PCED1B: variants seen among roughly 807,000 people sequenced by gnomAD.
PCED1B encodes PC-esterase domain-containing protein 1B.
For missense variants in PCED1B, 573 were observed against 573.9 expected, an observed-to-expected ratio of 1.00 and a Z score of 0.02; for synonymous variants, 251 against 246.1, an observed-to-expected ratio of 1.02 and a Z score of -0.19.
intron 1 of PCED1B, among the ~76,000 whole-genome samples, chr12:47,081,882 AT>A (rs943002010): frequency 6.6e-6 from 1 of 152,232 alleles, no homozygotes; most frequent in African/African-American, 2.4e-5. Flanking sequence ...GGAAGGTTAT[AT>A]TATTATAACT....
At chr12:47,127,915 A>G (rs1011118921) in intron 2 of PCED1B, among the ~76,000 whole-genome samples, 4 of 152,148 alleles carry the variant, frequency 2.6e-5, no homozygotes, top group African/African-American at 7.2e-5. Flanking sequence ...TCCTGTCTAT[A>G]TGTTTCAACT....
At chr12:47,228,834 C>G (rs929131556) in intron 3 of PCED1B, among the ~76,000 whole-genome samples, 33 of 151,130 alleles carry the variant, frequency 2.2e-4, no homozygotes, top group Non-Finnish European at 4.0e-4. Flanking sequence ...GATTGCACCA[C>G]TGCACTCCAG....
chr12:47,165,217 A>G (rs1941507039), intron 2 of PCED1B, among the ~76,000 whole-genome samples: 1 of 152,246 alleles, frequency 6.6e-6, no homozygotes, highest in Admixed American at 6.5e-5. Context: ...TTCAGCATGC[A>G]GTATAGAACA....
chr12:47,102,976 G>A (rs1215542793), intron 1 of PCED1B, among the ~76,000 whole-genome samples: 1 of 152,030 alleles, frequency 6.6e-6, no homozygotes, highest in African/African-American at 2.4e-5. Context: ...CCCCAATAAC[G>A]TTAAAGGCCT....
At chr12:47,135,839 C>T (rs1221068954) in intron 2 of PCED1B, 1 of 466,518 alleles carries the variant, frequency 2.1e-6, no homozygotes, top group East Asian at 6.0e-5. Flanking sequence ...CCTTGAGCAT[C>T]TCATGGTTGG....
In PCED1B at chr12:47,235,092, G is replaced by A. The variant is rs145480761; in HGVS notation, c.29G>A (p.Arg10Gln). The change falls in exon 4 of 4, where the codon CGG (arginine) becomes CAG (glutamine). Residue 10 changes from arginine (R) to glutamine (Q), a missense_variant. By Grantham distance (43) the Arg-to-Gln change is conservative. Transcript: ENST00000546455. ...ATCCTTCTGCGGGCCTCCGAAGTGC[G>A]GCAGCTGCTTCACAATAAGTTCGTG... is the stretch of plus-strand genomic sequence containing the variant. Reference protein sequence around the residue: MILLRASEVRQLLHNKFVVI... With the variant: MILLRASEVQQLLHNKFVVI... The A allele has an allele frequency of 8.9e-5, 136 of 1,529,026 alleles. No homozygotes were observed. The African/African-American group carries it at 1.7e-3, about 19-fold the overall frequency. The allele number at this position is 1,529,026 out of a possible 1,614,324, so 94.7% of individuals were successfully genotyped here.
At chr12:47,229,879 C>T (rs994612432) in intron 3 of PCED1B, among the ~76,000 whole-genome samples, 1 of 151,652 alleles carries the variant, frequency 6.6e-6, no homozygotes, top group African/African-American at 2.4e-5. Context: ...CTGCCATTCT[C>T]CTGCCTCAGC....
chr12:47,159,514 G>A (rs534108461), intron 2 of PCED1B, among the ~76,000 whole-genome samples: 1 of 151,854 alleles, frequency 6.6e-6, no homozygotes, highest in African/African-American at 2.4e-5. Flanking sequence ...AGAGCATTTT[G>A]TTGGCCATTT....
intron 3 of PCED1B, among the ~76,000 whole-genome samples, chr12:47,234,512 TG>T (rs1943910064): frequency 6.6e-6 from 1 of 152,236 alleles, no homozygotes; most frequent in Non-Finnish European, 1.5e-5. Context: ...GTTTAAGTGA[TG>T]GGGCATTCAG....
chr12:47,163,493 T>C (rs1222971499), intron 2 of PCED1B, among the ~76,000 whole-genome samples: 7 of 152,226 alleles, frequency 4.6e-5, no homozygotes, highest in Non-Finnish European at 8.8e-5. Flanking sequence ...TGTGCCTGAT[T>C]TTAGAGAAAA....
At chr12:47,223,825 G>A (rs950620205) in intron 3 of PCED1B, 1 of 152,212 alleles carries the variant, frequency 6.6e-6, no homozygotes, top group African/African-American at 2.4e-5. Flanking sequence ...GGGGCCTACT[G>A]TCTGGCAGGC....
intron 3 of PCED1B, among the ~76,000 whole-genome samples, chr12:47,218,669 C>CTTTTTTTTT (rs59140565): frequency 7.8e-6 from 1 of 128,402 alleles, no homozygotes; most frequent in Non-Finnish European, 1.6e-5. Context: ...AATTTTTTTT[C>CTTTTTTTTT]TTTTTTTTTT....
At chr12:47,231,102 C>T (rs374263268) in intron 3 of PCED1B, among the ~76,000 whole-genome samples, 3 of 152,206 alleles carry the variant, frequency 2.0e-5, no homozygotes, top group East Asian at 3.9e-4. Flanking sequence ...TGCTAATACT[C>T]TGTAGAGGGG....
At chr12:47,110,090 C>G (rs961969290) in intron 2 of PCED1B, among the ~76,000 whole-genome samples, 2 of 152,164 alleles carry the variant, frequency 1.3e-5, no homozygotes, top group Admixed American at 6.5e-5. Context: ...TTGTTAGTGG[C>G]CAGAATCATT....
intron 2 of PCED1B, among the ~76,000 whole-genome samples, chr12:47,164,380 A>G (rs944086072): frequency 5.3e-5 from 8 of 152,240 alleles, no homozygotes; most frequent in Non-Finnish European, 7.3e-5. Context: ...AGGGAAGAAC[A>G]GGCCCTATAC....
intron 2 of PCED1B, among the ~76,000 whole-genome samples, chr12:47,152,374 G>T (rs1000758209): frequency 2.6e-5 from 4 of 152,110 alleles, no homozygotes; most frequent in African/African-American, 9.7e-5. Context: ...ATTGCTTCTG[G>T]AGTCTTCTTG....
At chr12:47,154,798 TG>T (rs1941137463) in intron 2 of PCED1B, among the ~76,000 whole-genome samples, 1 of 151,644 alleles carries the variant, frequency 6.6e-6, no homozygotes, top group African/African-American at 2.4e-5. Flanking sequence ...TGTGTGTGTG[TG>T]TGTGTGTGTG....
intron 3 of PCED1B, among the ~76,000 whole-genome samples, chr12:47,226,436 G>C (rs558724888): frequency 8.2e-4 from 124 of 151,952 alleles, no homozygotes; most frequent in African/African-American, 2.2e-3. Context: ...TGCATTGGTG[G>C]GATCTCGGCT....
rs1943947547 is a variant in PCED1B at position 47,235,448 on chromosome 12, T to C, written c.385T>C (p.Ser129Pro). Residue 129 changes from serine (S) to proline (P), a missense_variant, in exon 4 of 4, where the codon TCC (serine) becomes CCC (proline). Ser to Pro is a moderately conservative substitution (Grantham distance 74, BLOSUM62 -1). Coordinates refer to ENST00000546455, the MANE Select transcript of PCED1B (RefSeq NM_138371.3). ...CATGAATTCCTGCCTCTGGGACATC[T>C]CCAGGTATGGTCCGAACTCCTGGAG... is the stretch of plus-strand genomic sequence containing the variant. ...VIMNSCLWDI[S>P]RYGPNSWRSY... is the part of the protein sequence containing the mutation. The C allele has an allele frequency of 6.2e-7, 1 of 1,614,036 alleles. No individual in the cohort carries two copies. Among genetic ancestry groups the C allele is most frequent in the South Asian group, 1.1e-5 (1 of 91,088 alleles).
Sources: gnomAD v4.1 joint callset for allele counts (sites outside exome capture counted in the v4.1 genomes callset) on GRCh38, gnomAD v4.1.1 for gene constraint, MANE v1.5 for transcripts, NCBI Gene and HGNC (gene_info 2026-07-23, HGNC 2026-07-21) for gene names.